CHL1: variants seen among roughly 807,000 people sequenced by gnomAD.
The protein encoded by CHL1 is cell adhesion molecule L1 like.
Under a neutral mutation model 141.9 loss-of-function variants are expected in CHL1, and 96 were observed. That is an observed-to-expected ratio of 0.68 (90% confidence interval 0.57 to 0.80). The LOEUF (loss-of-function observed/expected upper bound fraction) is 0.80. Ranked by LOEUF, CHL1 falls within the 30% of genes least tolerant of loss-of-function variation. The pLI is 0.00. For synonymous variants in CHL1, 613 were observed against 502.2 expected (o/e 1.22, Z -2.95); for missense variants, 1,820 against 1,457.2 (o/e 1.25, Z -4.05).
chr3:301,819 A>T (rs1317511463), intron 2 of CHL1, among the ~76,000 whole-genome samples: 1 of 152,124 alleles, frequency 6.6e-6, no homozygotes, highest in Non-Finnish European at 1.5e-5. Flanking sequence ...GATATATAGG[A>T]ATACACATGC....
At chr3:322,948 A>T (rs1310411035) in intron 3 of CHL1, among the ~76,000 whole-genome samples, 1 of 151,954 alleles carries the variant, frequency 6.6e-6, no homozygotes, top group Non-Finnish European at 1.5e-5. Context: ...GCACTTAAAA[A>T]TTATTAATGT....
intron 1 of CHL1, among the ~76,000 whole-genome samples, chr3:239,435 T>G (rs893861946): frequency 2.0e-5 from 3 of 152,088 alleles, no homozygotes; most frequent in Non-Finnish European, 2.9e-5. Flanking sequence ...CAGCATCTCT[T>G]TTGACAGACA....
At chr3:258,033 C>T (rs1375307404) in intron 2 of CHL1, among the ~76,000 whole-genome samples, 1 of 152,086 alleles carries the variant, frequency 6.6e-6, no homozygotes, top group Non-Finnish European at 1.5e-5. Context: ...ACTGTGGGAC[C>T]ACATGGGAGG....
chr3:337,216 G>A (rs1461827821), intron 5 of CHL1, among the ~76,000 whole-genome samples: 8 of 134,692 alleles, frequency 5.9e-5, no homozygotes, highest in Admixed American at 1.6e-4. Context: ...TTTGAGACGG[G>A]GTCTTGCTCT....
intron 2 of CHL1, among the ~76,000 whole-genome samples, chr3:284,225 C>T (rs1420379447): frequency 6.6e-6 from 1 of 152,092 alleles, no homozygotes; most frequent in Non-Finnish European, 1.5e-5. Flanking sequence ...AGGGGGGCTG[C>T]ATGAGATTAG....
At chr3:251,517 C>T (rs549075172) in intron 2 of CHL1, among the ~76,000 whole-genome samples, 1 of 152,070 alleles carries the variant, frequency 6.6e-6, no homozygotes, top group South Asian at 2.1e-4. Flanking sequence ...GCAATGTGAT[C>T]TTAGGCAAAC....
Position 394,723 on chromosome 3 carries a change from A to G in CHL1, c.2945A>G (p.Asn982Ser). 3 of 1,612,838 alleles carry G rather than the reference A, an allele frequency of 1.9e-6. No homozygotes were observed. The highest frequency in any genetic ancestry group is 1.7e-6 in the Non-Finnish European group (2 of 1,179,438). Residue 982 changes from asparagine (N) to serine (S), a missense_variant, in exon 24 of 28, where the codon AAT becomes AGT. By Grantham distance (46) the Asn-to-Ser change is conservative (BLOSUM62 1). Transcript: ENST00000256509. ...INDTYEIGEL[N>S]DINITTPSKP... ...GACACCTACGAGATTGGAGAATTAAATGATATTAACATTACAACTCCATCA... is the reference window on the plus strand; with the variant it reads ...GACACCTACGAGATTGGAGAATTAAGTGATATTAACATTACAACTCCATCA...
chr3:307,732 T>C (rs1344531735), intron 2 of CHL1, among the ~76,000 whole-genome samples: 1 of 152,170 alleles, frequency 6.6e-6, no homozygotes, highest in Non-Finnish European at 1.5e-5. Flanking sequence ...ACACTTAACA[T>C]ACTTTACGAA....
chr3:298,923 T>C (rs541768111), intron 2 of CHL1, among the ~76,000 whole-genome samples: 1 of 152,202 alleles, frequency 6.6e-6, no homozygotes, highest in Non-Finnish European at 1.5e-5. Flanking sequence ...AGAACAAGTA[T>C]CTCAATAGAC....
At chr3:384,491 T>TA (rs1222529143) in intron 19 of CHL1, 1 of 152,146 alleles carries the variant, frequency 6.6e-6, no homozygotes, top group Non-Finnish European at 1.5e-5. Context: ...TTTTTCCTCC[T>TA]TTACATATCT....
At chr3:251,893 T>C (rs1040847408) in intron 2 of CHL1, among the ~76,000 whole-genome samples, 1 of 152,148 alleles carries the variant, frequency 6.6e-6, no homozygotes, top group African/African-American at 2.4e-5. Flanking sequence ...GGTTGGTTTC[T>C]CAAATCATTC....
chr3:227,104 G>A (rs1030855274), intron 1 of CHL1, among the ~76,000 whole-genome samples: 3 of 152,136 alleles, frequency 2.0e-5, no homozygotes, highest in East Asian at 3.9e-4. Flanking sequence ...AAGCGTAAAT[G>A]TTGTCCACCT....
chr3:261,709 A>T (rs564232351), intron 2 of CHL1, among the ~76,000 whole-genome samples: 1 of 152,192 alleles, frequency 6.6e-6, no homozygotes, highest in Non-Finnish European at 1.5e-5. Context: ...AACATAAGCC[A>T]CAGACTTAAC....
At chr3:322,515 A>G (rs568191411) in intron 3 of CHL1, among the ~76,000 whole-genome samples, 1 of 151,022 alleles carries the variant, frequency 6.6e-6, no homozygotes, top group East Asian at 1.9e-4. Context: ...TGATGATACA[A>G]AAGTAATGAG....
intron 5 of CHL1, among the ~76,000 whole-genome samples, chr3:328,963 G>A (rs539736660): frequency 2.6e-5 from 4 of 152,278 alleles, no homozygotes; most frequent in Non-Finnish European, 5.9e-5. Flanking sequence ...TCAATAGTAT[G>A]ATGCTCATTA....
At chr3:382,108 C>A (rs1449924189) in intron 16 of CHL1, 71 bp from the exon 17 acceptor site, 37 of 1,321,470 alleles carry the variant, frequency 2.8e-5, no homozygotes, top group Non-Finnish European at 3.8e-5. Flanking sequence ...GGGTAGCTGG[C>A]AATGTGTCTG....
At chr3:229,562 T>C (rs1463701320) in intron 1 of CHL1, among the ~76,000 whole-genome samples, 1 of 152,168 alleles carries the variant, frequency 6.6e-6, no homozygotes, top group Non-Finnish European at 1.5e-5. Context: ...ATACGTAGCT[T>C]AGTATTTTCC....
Position 394,675 on chromosome 3 carries a change from T to A in CHL1, c.2915-18T>A, listed in dbSNP as rs377065183. 1 of 1,565,468 alleles carries A rather than the reference T, an allele frequency of 6.4e-7. No individual in the cohort carries two copies. Among genetic ancestry groups the A allele is most frequent in the Non-Finnish European group, 8.7e-7 (1 of 1,143,132 alleles). Reference sequence around the variant, plus strand: ...TGGTTAAATACATTTGAGCTGTTGTTCATGTTTATTTTTTTAGTAAATGAC... The same window carrying A: ...TGGTTAAATACATTTGAGCTGTTGTACATGTTTATTTTTTTAGTAAATGAC... On this transcript the variant is annotated intron_variant, in intron 23 of 27. Transcript: ENST00000256509.
At chr3:199,188 C>T (rs940131400) in intron 1 of CHL1, among the ~76,000 whole-genome samples, 2 of 152,154 alleles carry the variant, frequency 1.3e-5, no homozygotes, top group Non-Finnish European at 2.9e-5. Flanking sequence ...TTAGTAATGG[C>T]AGAACGTAGT....
Sources: allele counts gnomAD v4.1 joint callset (sites outside exome capture counted in the v4.1 genomes callset), GRCh38; gene constraint gnomAD v4.1.1; transcripts MANE v1.5; gene names NCBI Gene and HGNC (gene_info 2026-07-23, HGNC 2026-07-21).